The following TRPC7 variants were observed in gnomAD, a reference collection of about 807,000 sequenced individuals.
TRPC7 encodes transient receptor potential cation channel subfamily C member 7, also known as short transient receptor potential channel 7.
In TRPC7, 42 loss-of-function variants were observed where a neutral mutation model predicts 90.1. That is an observed-to-expected ratio of 0.47 (90% confidence interval 0.36 to 0.60). TRPC7 has a LOEUF of 0.60. TRPC7 is among the 20% of genes least tolerant of loss of function. The pLI is 0.00. For missense variants in TRPC7, 955 were observed against 1,112.3 expected (o/e 0.86, Z 2.01); for synonymous variants, 451 against 436.3 (o/e 1.03, Z -0.42).
At chr5:136,332,836 G>A (rs10053931) in intron 2 of TRPC7, among the ~76,000 whole-genome samples, 27,655 of 152,144 alleles carry the variant, frequency 0.18, 3,380 homozygotes, top group East Asian at 0.34. Flanking sequence ...CCCCATTGAT[G>A]TTGGGTTTGG....
At chr5:136,261,139 AGC>A in intron 5 of TRPC7, among the ~76,000 whole-genome samples, 1 of 152,194 alleles carries the variant, frequency 6.6e-6, no homozygotes, top group Non-Finnish European at 1.5e-5. Flanking sequence ...AGGGTGCACC[AGC>A]ACAAAGACCC....
chr5:136,264,659 G>A (rs1019536601), intron 5 of TRPC7, among the ~76,000 whole-genome samples: 1 of 151,578 alleles, frequency 6.6e-6, no homozygotes, highest in Admixed American at 6.6e-5. Context: ...GTGGTGCAAT[G>A]TCCGCTCATC....
At chr5:136,354,671 A>T (rs1229616946) in intron 2 of TRPC7, among the ~76,000 whole-genome samples, 1 of 152,184 alleles carries the variant, frequency 6.6e-6, no homozygotes, top group Non-Finnish European at 1.5e-5. Flanking sequence ...TTCCCTAATT[A>T]CTTTCCATGG....
In TRPC7 at chr5:136,365,398, A is replaced by G. The variant is rs1229732896; in HGVS notation, c.-144T>C. 4 of 839,988 alleles carry G rather than the reference A, an allele frequency of 4.8e-6. No homozygotes were observed. Among genetic ancestry groups the G allele is most frequent in the South Asian group, 3.0e-5 (2 of 65,678 alleles). 52.0% of individuals were successfully genotyped at this position (839,988 alleles called of 1,614,324 possible). A position where few individuals can be genotyped will look rare whatever the true frequency, so the allele number is the denominator to read the frequency against. On this transcript the variant is annotated 5_prime_UTR_variant, in exon 1 of 12. Coordinates refer to ENST00000513104, the MANE Select transcript of TRPC7 (RefSeq NM_020389.3). ...AGTATAGAGCTGGTCAAGTGAGTTA[A>G]GTTGCAACGATGTGAAAGCGCGCTC...
chr5:136,323,561 C>A (rs1759261999), intron 2 of TRPC7, among the ~76,000 whole-genome samples: 2 of 152,088 alleles, frequency 1.3e-5, no homozygotes, highest in African/African-American at 4.8e-5. Flanking sequence ...CATGGATGTT[C>A]ATTTGTTCCA....
intron 6 of TRPC7, among the ~76,000 whole-genome samples, chr5:136,250,583 G>C (rs1006305247): frequency 3.3e-5 from 5 of 152,084 alleles, no homozygotes; most frequent in African/African-American, 1.2e-4. Context: ...CCAAAAGGTA[G>C]TAGTAAGACA....
intron 2 of TRPC7, among the ~76,000 whole-genome samples, chr5:136,320,690 C>G (rs1759168337): frequency 6.6e-6 from 1 of 152,332 alleles, no homozygotes; most frequent in South Asian, 2.1e-4. Flanking sequence ...CGGATTCAGT[C>G]TACTCCAGCC....
intron 2 of TRPC7, among the ~76,000 whole-genome samples, chr5:136,325,018 T>C (rs76017884): frequency 0.046 from 6,995 of 152,356 alleles, 188 homozygotes; most frequent in Non-Finnish European, 0.069. Flanking sequence ...AGCAGATGTG[T>C]ACAGCTGTAA....
In TRPC7 at chr5:136,294,536, A is replaced by G. The variant is rs1158094613; in HGVS notation, c.964-19699T>C. On this transcript the variant is annotated intron_variant, in intron 3 of 11. Transcript: ENST00000513104. ...TTTATGCAGCCAAAAAACACATGAA[A>G]AAATGCTCATCATCCCTGGCCATCA... Among the ~76,000 whole-genome samples, 3 of 152,144 alleles carry G rather than the reference A, an allele frequency of 2.0e-5. 1 individual carries two copies. Among genetic ancestry groups the G allele is most frequent in the Non-Finnish European group, 4.4e-5 (3 of 68,032 alleles).
intron 10 of TRPC7, among the ~76,000 whole-genome samples, chr5:136,220,982 A>G (rs1238156150): frequency 6.6e-6 from 1 of 152,194 alleles, no homozygotes; most frequent in Non-Finnish European, 1.5e-5. Flanking sequence ...CCCTGATAGG[A>G]TATCTATTTC....
At chr5:136,301,760 C>T (rs1411923808) in intron 3 of TRPC7, among the ~76,000 whole-genome samples, 2 of 152,240 alleles carry the variant, frequency 1.3e-5, no homozygotes, top group African/African-American at 4.8e-5. Flanking sequence ...AGCCTGCCTG[C>T]ACCCAGGTGA....
intron 7 of TRPC7, among the ~76,000 whole-genome samples, chr5:136,240,876 TTTA>T (rs144033963): frequency 1.7e-4 from 26 of 151,804 alleles, no homozygotes; most frequent in Non-Finnish European, 2.2e-4. Flanking sequence ...CAATTTGATA[TTTA>T]TTATTATTAT....
At chr5:136,337,502 T>C (rs1759705208) in intron 2 of TRPC7, among the ~76,000 whole-genome samples, 2 of 151,882 alleles carry the variant, frequency 1.3e-5, no homozygotes, top group African/African-American at 4.8e-5. Flanking sequence ...CTCGTCTCTA[T>C]TAAAAATACA....
At chr5:136,264,125 A>G (rs188935651) in intron 5 of TRPC7, among the ~76,000 whole-genome samples, 19 of 152,364 alleles carry the variant, frequency 1.2e-4, no homozygotes, top group African/African-American at 4.6e-4. Flanking sequence ...GAGGGTCAGA[A>G]GCAGGGACTA....
chr5:136,236,318 G>A (rs1039030255), intron 7 of TRPC7, among the ~76,000 whole-genome samples: 1 of 152,180 alleles, frequency 6.6e-6, no homozygotes, highest in Admixed American at 6.5e-5. Flanking sequence ...CTTCTGCACA[G>A]GGTTGAATGG....
At chr5:136,307,757 A>C (rs1237670470) in intron 3 of TRPC7, among the ~76,000 whole-genome samples, 1 of 152,064 alleles carries the variant, frequency 6.6e-6, no homozygotes, top group African/African-American at 2.4e-5. Context: ...ACAGCAAGGA[A>C]CTCTCTGGCC....
chr5:136,255,109 G>T (rs1186469197), intron 5 of TRPC7, among the ~76,000 whole-genome samples: 3 of 152,194 alleles, frequency 2.0e-5, no homozygotes, highest in South Asian at 4.1e-4. Flanking sequence ...GAGTCTACTG[G>T]TGAAGATGCC....
At chr5:136,330,996 C>T (rs1021091305) in intron 2 of TRPC7, among the ~76,000 whole-genome samples, 3 of 152,114 alleles carry the variant, frequency 2.0e-5, no homozygotes, top group Non-Finnish European at 4.4e-5. Flanking sequence ...TATGGAGTCC[C>T]CCCGCCAGCA....
chr5:136,321,505 C>T (rs567914366), intron 2 of TRPC7, among the ~76,000 whole-genome samples: 19 of 152,122 alleles, frequency 1.2e-4, no homozygotes, highest in Non-Finnish European at 2.1e-4. Flanking sequence ...TTCAATCATT[C>T]GGAGAATTCA....
Sources: allele counts gnomAD v4.1 joint callset (sites outside exome capture counted in the v4.1 genomes callset), GRCh38; gene constraint gnomAD v4.1.1; transcripts MANE v1.5; gene names NCBI Gene and HGNC (gene_info 2026-07-23, HGNC 2026-07-21).